Variants in PFKFB1 observed in about 807,000 individuals in gnomAD.
PFKFB1 encodes 6-phosphofructo-2-kinase/fructose-2,6-bisphosphatase 1.
A neutral mutation model predicts 46.4 loss-of-function variants in PFKFB1; 34 were observed. The ratio of observed to expected loss-of-function variants is 0.73; its 90% CI spans 0.56 to 0.98. The LOEUF (loss-of-function observed/expected upper bound fraction) is 0.98, where lower values mean the gene tolerates loss of function less well. Ranked by LOEUF, PFKFB1 falls within the 50% of genes least tolerant of loss-of-function variation. PFKFB1 has a pLI of 0.00. For synonymous variants in PFKFB1, 119 were observed against 133.8 expected, an observed-to-expected ratio of 0.89 and a Z score of 0.76; for missense variants, 393 against 376.3, an observed-to-expected ratio of 1.04 and a Z score of -0.37.
chrX:54,949,580 A>G (rs982876601), intron 8 of PFKFB1, among the ~76,000 whole-genome samples: 2 of 112,050 alleles, frequency 1.8e-5, no homozygotes, highest in South Asian at 3.7e-4. Context: ...TGCACAGTCT[A>G]TCTCTCCATT....
chrX:54,940,799 G>T (rs1191887436), intron 10 of PFKFB1, among the ~76,000 whole-genome samples: 1 of 111,617 alleles, frequency 9.0e-6, no homozygotes, highest in Admixed American at 9.5e-5. Flanking sequence ...TCAATATCGT[G>T]AAGATGGCCA....
chrX:54,946,499 A>T (rs950584550), intron 9 of PFKFB1, among the ~76,000 whole-genome samples: 1 of 111,544 alleles, frequency 9.0e-6, no homozygotes, highest in African/African-American at 3.3e-5. Flanking sequence ...GTTGTTGTCT[A>T]TTGGGCCCAT....
At chrX:54,939,976 G>A (rs926075944) in intron 10 of PFKFB1, among the ~76,000 whole-genome samples, 2 of 111,754 alleles carry the variant, frequency 1.8e-5, no homozygotes, top group South Asian at 3.7e-4. Flanking sequence ...GATGAACATC[G>A]ATGCAAAAAT....
At chrX:54,939,340 A>C (rs1021468158) in intron 10 of PFKFB1, among the ~76,000 whole-genome samples, 2 of 112,060 alleles carry the variant, frequency 1.8e-5, no homozygotes, top group African/African-American at 6.5e-5. Context: ...GAACTAGAGA[A>C]GCAAGAGCAA....
At chrX:54,944,223 T>A (rs1312314335) in intron 10 of PFKFB1, among the ~76,000 whole-genome samples, 2 of 111,319 alleles carry the variant, frequency 1.8e-5, no homozygotes, top group East Asian at 2.8e-4. Flanking sequence ...TGATGAAAAA[T>A]TTTTAAAATG....
At chrX:54,935,068 C>T (rs1406329660) in intron 11 of PFKFB1, 59 bp from the exon 12 acceptor site, 1 of 888,368 alleles carries the variant, frequency 1.1e-6, no homozygotes, top group Admixed American at 2.5e-5. Flanking sequence ...CACAGCCTCC[C>T]CAGGCCCCCA....
upstream of PFKFB1, among the ~76,000 whole-genome samples, chrX:54,995,561 A>T (rs1355079184): frequency 8.9e-6 from 1 of 112,113 alleles, no homozygotes; most frequent in Non-Finnish European, 1.9e-5. Flanking sequence ...ATATTTCTTG[A>T]GTGGAATCCT....
At chrX:54,956,541 T>C (rs1215832473) in intron 6 of PFKFB1, among the ~76,000 whole-genome samples, 2 of 111,623 alleles carry the variant, frequency 1.8e-5, no homozygotes, top group Non-Finnish European at 3.8e-5. Context: ...AGAAGAACAT[T>C]TATAAGAGGA....
intron 11 of PFKFB1, 78 bp downstream of exon 11, chrX:54,937,517 A>G: frequency 1.1e-6 from 1 of 942,431 alleles, no homozygotes; most frequent in Non-Finnish European, 1.5e-6. Context: ...CTTAACTACT[A>G]AGATATAGAT....
At chrX:54,955,133 C>A (rs773977351) in intron 7 of PFKFB1, among the ~76,000 whole-genome samples, 2 of 112,072 alleles carry the variant, frequency 1.8e-5, no homozygotes, top group Non-Finnish European at 3.8e-5. Flanking sequence ...GGTGCCTGTA[C>A]AATGAACAAT....
At chrX:54,937,911 GC>G (rs980549047) in intron 10 of PFKFB1, among the ~76,000 whole-genome samples, 187 bp from the exon 11 acceptor site, 1 of 111,835 alleles carries the variant, frequency 8.9e-6, no homozygotes, top group Non-Finnish European at 1.9e-5. Flanking sequence ...CTAAATGGGG[GC>G]TATCAATATA....
chrX:54,948,495 C>A (rs1933869973), intron 9 of PFKFB1, among the ~76,000 whole-genome samples: 1 of 112,101 alleles, frequency 8.9e-6, no homozygotes, highest in African/African-American at 3.2e-5. Flanking sequence ...AATCCCTCAA[C>A]ATGAACTATA....
chrX:54,940,394 C>A (rs1393741450), intron 10 of PFKFB1, among the ~76,000 whole-genome samples: 2 of 111,570 alleles, frequency 1.8e-5, no homozygotes, highest in Admixed American at 1.9e-4. Flanking sequence ...CTGGCCAGGG[C>A]AGTCAGGCAG....
chrX:54,972,651 C>T (rs896145384), intron 1 of PFKFB1, among the ~76,000 whole-genome samples: 14 of 111,416 alleles, frequency 1.3e-4, no homozygotes, highest in African/African-American at 4.6e-4. Context: ...TATTGATTTC[C>T]ATATATTGAA....
At chrX:54,943,785 AAAAT>A (rs1022165877) in intron 10 of PFKFB1, among the ~76,000 whole-genome samples, 3 of 110,743 alleles carry the variant, frequency 2.7e-5, no homozygotes, top group African/African-American at 6.5e-5. Context: ...AATAAAATAA[AAAAT>A]AAATAAATAA....
At chrX:54,939,226 T>A (rs900173475) in intron 10 of PFKFB1, among the ~76,000 whole-genome samples, 1 of 111,191 alleles carries the variant, frequency 9.0e-6, no homozygotes, top group Admixed American at 9.6e-5. Context: ...CCAGAATCTC[T>A]GGGACACATT....
In PFKFB1 at chrX:54,937,650, G is replaced by T; in HGVS notation, c.1173C>A (p.Ile391=). 8.3e-7 allele frequency: 1 copy of T among 1,206,541 alleles called. No individual in the cohort carries two copies. The highest frequency in any genetic ancestry group is 1.1e-6 in the Non-Finnish European group (1 of 890,624). The change falls in exon 11 of 14, where the codon ATC becomes ATA. Residue 391 remains isoleucine (I), a synonymous_variant. Coordinates refer to ENST00000375006, the MANE Select transcript of PFKFB1 (RefSeq NM_002625.4). ...GGCACCGCATGACAGCCTGGTGGCAGATCACCAGTACATTCTCCTGTCGTT... is the reference window on the plus strand; with the variant it reads ...GGCACCGCATGACAGCCTGGTGGCATATCACCAGTACATTCTCCTGTCGTT... ...ELERQENVLV[I]CHQAVMRCLL...
At chrX:54,975,658 G>T (rs1934821601) in intron 1 of PFKFB1, among the ~76,000 whole-genome samples, 1 of 111,193 alleles carries the variant, frequency 9.0e-6, no homozygotes, top group African/African-American at 3.3e-5. Context: ...AACAATGTTG[G>T]TGGACTGAAC....
At chrX:54,994,343 G>T, upstream of PFKFB1, 1 of 754,160 alleles carries the variant, frequency 1.3e-6, no homozygotes, top group Non-Finnish European at 1.6e-6. Context: ...CAGCAACACA[G>T]CCCAGGTCTG....
Sources: gnomAD v4.1 joint callset for allele counts (sites outside exome capture counted in the v4.1 genomes callset) on GRCh38, gnomAD v4.1.1 for gene constraint, MANE v1.5 for transcripts, NCBI Gene and HGNC (gene_info 2026-07-23, HGNC 2026-07-21) for gene names.